The following PCSK1 variants were observed in gnomAD, a reference collection of about 807,000 sequenced individuals.
PCSK1 encodes the protein neuroendocrine convertase 1.
A neutral mutation model predicts 90.6 loss-of-function variants in PCSK1; 56 were observed. That is an observed-to-expected ratio of 0.62 (90% confidence interval 0.50 to 0.77). The LOEUF (loss-of-function observed/expected upper bound fraction) is 0.77. PCSK1 is among the 30% of genes least tolerant of loss of function. PCSK1 has a pLI of 0.00. For missense variants in PCSK1, 801 were observed against 932.6 expected (o/e 0.86, Z 1.84); for synonymous variants, 348 against 342.4 (o/e 1.02, Z -0.18).
intron 3 of PCSK1, 23 bp downstream of exon 3, chr5:96,425,797 A>G (rs1339713766): frequency 3.1e-6 from 4 of 1,307,044 alleles, no homozygotes; most frequent in Non-Finnish European, 4.4e-6. Context: ...TCCCACCCAC[A>G]TAGTCCTTCT....
At chr5:96,432,049 A>G (rs1293909287) in intron 1 of PCSK1, 1 of 1,469,404 alleles carries the variant, frequency 6.8e-7, no homozygotes, top group Non-Finnish European at 9.2e-7. Flanking sequence ...ACAGGCAACA[A>G]TAAGCTGAAA....
Position 96,406,242 on chromosome 5 carries a change from T to C in PCSK1, c.1196+1981A>G, listed in dbSNP as rs190566330. Among the ~76,000 whole-genome samples the C allele has an allele frequency of 2.1e-3, 327 of 152,250 alleles. 2 individuals are homozygous for C. Among genetic ancestry groups the C allele is most frequent in the African/African-American group, 7.5e-3 (313 of 41,558 alleles). Reference sequence around the variant, plus strand: ...AACTTGCCGAAGGCCACATAGCTAGTGGTAGAGCTAGAACTTGAAGCCAGG... The same window carrying C: ...AACTTGCCGAAGGCCACATAGCTAGCGGTAGAGCTAGAACTTGAAGCCAGG... On this transcript the variant is annotated intron_variant, in intron 9 of 13. Transcript: ENST00000311106.
In PCSK1 at chr5:96,408,368, G is replaced by A. The variant is rs748986466; in HGVS notation, c.1096-45C>T. 3 of 1,385,438 alleles carry A rather than the reference G, an allele frequency of 2.2e-6. No homozygotes were observed. The African/African-American group carries it at 4.3e-5, about 20-fold the overall frequency. The allele number at this position is 1,385,438 out of a possible 1,614,324, so 85.8% of individuals were successfully genotyped here. On this transcript the variant is annotated intron_variant, in intron 8 of 13. Coordinates refer to ENST00000311106, the MANE Select transcript of PCSK1 (RefSeq NM_000439.5). Reference sequence around the variant, plus strand: ...AGAGAAAGGCAGGGAGAACACGTGAGGAGTGTGGGCCTGTCTTGGGGGTTA... The same window carrying A: ...AGAGAAAGGCAGGGAGAACACGTGAAGAGTGTGGGCCTGTCTTGGGGGTTA...
Position 96,421,946 on chromosome 5 carries a change from G to T in PCSK1, c.554C>A (p.Ala185Asp). 2 of 1,490,868 alleles carry T rather than the reference G, an allele frequency of 1.3e-6. No homozygotes were observed. The highest frequency in any genetic ancestry group is 1.8e-6 in the Non-Finnish European group (2 of 1,085,178). 92.4% of individuals were successfully genotyped at this position (1,490,868 alleles called of 1,614,324 possible). The change falls in exon 5 of 14, where the codon GCT (alanine) becomes GAT (aspartate). Residue 185 changes from alanine to aspartate, a missense_variant. Physicochemically the swap from Ala to Asp is moderately radical, Grantham distance 126 (BLOSUM62 -2). Coordinates refer to ENST00000311106, the MANE Select transcript of PCSK1 (RefSeq NM_000439.5). ...GTCATTATCATTAAAATCATAGCTA[G>T]CCTCTGGATCCTAAAGAGACAACAA... ...TDIYANYDPE[A>D]SYDFNDNDHD...
chr5:96,398,958 G>A lies in PCSK1; in HGVS notation c.1509C>T (p.Ser503=). The change falls in exon 11 of 14, where the codon TCC becomes TCT. Residue 503 remains serine, a synonymous_variant. Transcript: ENST00000311106. The stretch of plus-strand genomic sequence containing the variant: ...TTGCTTCAAATTGTACATGCTCCAG[G>A]GACTTGATAGCATTTTCTTGTCCTT... ...ACEGQENAIK[S]LEHVQFEATI... 1.9e-6 allele frequency: 3 copies of A among 1,612,260 alleles called. No homozygotes were observed. The highest frequency in any genetic ancestry group is 2.5e-6 in the Non-Finnish European group (3 of 1,178,464).
At chr5:96,404,146 C>T (rs1408750136) in intron 9 of PCSK1, among the ~76,000 whole-genome samples, 2 of 152,170 alleles carry the variant, frequency 1.3e-5, no homozygotes, top group East Asian at 1.9e-4. Flanking sequence ...CAAGATACAC[C>T]TACTAACTAC....
chr5:96,416,674 T>G (rs1432137513), intron 5 of PCSK1, among the ~76,000 whole-genome samples: 2 of 152,142 alleles, frequency 1.3e-5, no homozygotes, highest in African/African-American at 4.8e-5. Context: ...CACTAAAATG[T>G]CTGAAGATTA....
chr5:96,399,228 T>A (rs1760268275), intron 10 of PCSK1, among the ~76,000 whole-genome samples, 192 bp from the exon 11 acceptor site: 1 of 152,222 alleles, frequency 6.6e-6, no homozygotes, highest in Non-Finnish European at 1.5e-5. Context: ...GGGGCACTAA[T>A]ACTTAAATAC....
intron 7 of PCSK1, among the ~76,000 whole-genome samples, chr5:96,411,269 G>A (rs967989841): frequency 1.5e-4 from 23 of 152,168 alleles, no homozygotes; most frequent in Non-Finnish European, 1.6e-4. Context: ...TTTTGCACTT[G>A]CTCATATTTT....
Position 96,407,181 on chromosome 5 carries a change from A to T in PCSK1, c.1196+1042T>A, listed in dbSNP as rs549520315. On this transcript the variant is annotated intron_variant, in intron 9 of 13. Coordinates refer to ENST00000311106, the MANE Select transcript of PCSK1 (RefSeq NM_000439.5). ...GCCTTAAAGAAACAGACTGACAAAC[A>T]TAACTACATACATATTAACTACATT... 4.7e-4 allele frequency among the ~76,000 whole-genome samples: 72 copies of T among 152,362 alleles called. 2 individuals are homozygous for T. In the South Asian group the frequency reaches 0.015, roughly 31 times the overall value.
At chr5:96,403,672 A>G (rs1760460993) in intron 9 of PCSK1, among the ~76,000 whole-genome samples, 1 of 152,248 alleles carries the variant, frequency 6.6e-6, no homozygotes, top group Non-Finnish European at 1.5e-5. Flanking sequence ...GCTTCTAATT[A>G]GAAGAGATGT....
intron 5 of PCSK1, among the ~76,000 whole-genome samples, chr5:96,420,591 C>A (rs1029642266): frequency 6.7e-6 from 1 of 150,244 alleles, no homozygotes; most frequent in Non-Finnish European, 1.5e-5. Context: ...GAAATAAACA[C>A]CCAGAAGTTG....
intron 1 of PCSK1, chr5:96,432,015 C>G: frequency 8.9e-7 from 1 of 1,122,732 alleles, no homozygotes. Context: ...CAACCAGCTA[C>G]CTATCGACCA....
Position 96,425,929 on chromosome 5 carries a change from A to G in PCSK1, c.287T>C (p.Val96Ala), listed in dbSNP as rs763461063. Residue 96 changes from valine to alanine, a missense_variant and splice_region_variant, in exon 3 of 14, where the codon GTG becomes GCG. Transcript: ENST00000311106. ...ITKRLSDDDR[V>A]IWAEQQYEKE... ...TTCATACTGTTGTTCAGCCCATATC[A>G]CCTACAAGGATTTTTATAGCAAGAA... is the stretch of plus-strand genomic sequence containing the variant. 10 of 1,585,024 alleles carry G rather than the reference A, an allele frequency of 6.3e-6. No individual in the cohort carries two copies.
At position 96,393,118 on chromosome 5, in the gene PCSK1, G is replaced by A. The variant is rs1580741339; in HGVS notation, c.2145C>T (p.Asp715=). The A allele has an allele frequency of 6.2e-7, 1 of 1,614,074 alleles. No individual in the cohort carries two copies. Among genetic ancestry groups the A allele is most frequent in the African/African-American group, 1.3e-5 (1 of 74,930 alleles). The change falls in exon 14 of 14, where the codon GAC becomes GAT. Residue 715 remains aspartate (D), a synonymous_variant. Coordinates refer to ENST00000311106, the MANE Select transcript of PCSK1 (RefSeq NM_000439.5). ...EKLNKPSQLK[D]SEDSLYNDYV... is the part of the protein sequence containing the mutation. ...AGTCATTATACAGACTGTCTTCAGA[G>A]TCTTTAAGCTGGGAAGGTTTGTTCA... is the stretch of plus-strand genomic sequence containing the variant.
rs1301652826 is a variant in PCSK1, at chr5:96,410,773, C to T, written c.1095+1G>A. On this transcript the variant is annotated splice_donor_variant, in intron 8 of 13. Transcript: ENST00000311106. LOFTEE classifies it high-confidence loss of function. The stretch of plus-strand genomic sequence containing the variant: ...GAGAGAATTAGACAAAAGCAACATA[C>T]GATTCTCTGGTCGGTGTAATCTCCG... 5 of 1,610,952 alleles carry T rather than the reference C, an allele frequency of 3.1e-6. No individual in the cohort carries two copies. The highest frequency in any genetic ancestry group is 1.7e-5 in the Admixed American group (1 of 60,000).
chr5:96,393,365 T>C lies in PCSK1; in HGVS notation c.1898A>G (p.Gln633Arg). Reference sequence around the variant, plus strand: ...CAGGGTGTTCTCCTTAGGGTTCTCTTGTGTGGGCTGCTCCTAAAACATAGA... The same window carrying C: ...CAGGGTGTTCTCCTTAGGGTTCTCTCGTGTGGGCTGCTCCTAAAACATAGA... The part of the protein sequence containing the change: ...MVDPGEEQPT[Q>R]ENPKENTLVS... The change falls in exon 14 of 14, where the codon CAA becomes CGA. Residue 633 changes from glutamine (Q) to arginine (R), a missense_variant. Coordinates refer to ENST00000311106, the MANE Select transcript of PCSK1 (RefSeq NM_000439.5). 1 of 1,613,856 alleles carries C rather than the reference T, an allele frequency of 6.2e-7. No homozygotes were observed. Among genetic ancestry groups the C allele is most frequent in the Non-Finnish European group, 8.5e-7 (1 of 1,179,922 alleles).
chr5:96,430,194 C>T (rs763208819), intron 1 of PCSK1, among the ~76,000 whole-genome samples: 46 of 152,136 alleles, frequency 3.0e-4, no homozygotes, highest in African/African-American at 8.7e-4. Flanking sequence ...TGTACTTCTC[C>T]GGGTATCTAT....
chr5:96,405,437 A>T (rs1405917951), intron 9 of PCSK1, among the ~76,000 whole-genome samples: 1 of 152,184 alleles, frequency 6.6e-6, no homozygotes, highest in Non-Finnish European at 1.5e-5. Context: ...CACCTGCTTT[A>T]GAGACTGTCC....
Sources: gnomAD v4.1 joint callset for allele counts (sites outside exome capture counted in the v4.1 genomes callset) on GRCh38, gnomAD v4.1.1 for gene constraint, MANE v1.5 for transcripts, NCBI Gene and HGNC (gene_info 2026-07-23, HGNC 2026-07-21) for gene names.